Variants in MMS19 observed in about 807,000 individuals in gnomAD.
The protein encoded by MMS19 is MMS19 cytosolic iron-sulfur assembly component.
A neutral mutation model predicts 129.8 loss-of-function variants in MMS19; 77 were observed. The ratio of observed to expected loss-of-function variants is 0.59; its 90% CI spans 0.49 to 0.72. The LOEUF is 0.72. MMS19 is among the 30% of genes least tolerant of loss of function. The pLI, the probability that MMS19 is intolerant of heterozygous loss-of-function variation, is 0.00. For missense variants in MMS19, 1,168 were observed against 1,266.3 expected, an observed-to-expected ratio of 0.92 and a Z score of 1.18; for synonymous variants, 491 against 502.8, an observed-to-expected ratio of 0.98 and a Z score of 0.31.
intron 8 of MMS19, among the ~76,000 whole-genome samples, chr10:97,476,010 T>C (rs2035691145): frequency 1.3e-5 from 2 of 152,232 alleles, no homozygotes; most frequent in Admixed American, 6.5e-5. Context: ...AGAGTCAATA[T>C]GCTGTTTGGC....
intron 1 of MMS19, among the ~76,000 whole-genome samples, chr10:97,494,716 A>T (rs916852907): frequency 6.6e-6 from 1 of 152,222 alleles, no homozygotes; most frequent in African/African-American, 2.4e-5. Flanking sequence ...ATTCTCTGAA[A>T]ATCAGCTCTC....
intron 9 of MMS19, 103 bp from the exon 10 acceptor site, chr10:97,470,306 T>C (rs1168256029): frequency 3.8e-6 from 3 of 796,958 alleles, no homozygotes; most frequent in Non-Finnish European, 6.5e-6. Flanking sequence ...AGGTACTACA[T>C]CAAGGAGCTG....
intron 26 of MMS19, 30 bp downstream of exon 26, chr10:97,460,016 T>A (rs185816937): frequency 1.2e-6 from 2 of 1,607,448 alleles, no homozygotes; most frequent in Admixed American, 1.7e-5. Context: ...GAGATGTGTA[T>A]ATGTGGGGAC....
chr10:97,478,494 T>C (rs1193487549), intron 3 of MMS19, 105 bp from the exon 4 acceptor site: 3 of 807,018 alleles, frequency 3.7e-6, no homozygotes, highest in South Asian at 1.7e-5. Flanking sequence ...TGGGTTCCAC[T>C]ACAAATTTTC....
intron 5 of MMS19, 82 bp downstream of exon 5, chr10:97,477,773 G>A: frequency 1.1e-6 from 1 of 933,738 alleles, no homozygotes; most frequent in Non-Finnish European, 1.6e-6. Context: ...GAACTTAGAA[G>A]GCAATAATTT....
chr10:97,485,822 TAAC>T (rs2037744232), intron 1 of MMS19, among the ~76,000 whole-genome samples: 1 of 152,232 alleles, frequency 6.6e-6, no homozygotes, highest in South Asian at 2.1e-4. Flanking sequence ...AGACAAGAGA[TAAC>T]AAGTGCTGGT....
intron 19 of MMS19, 66 bp downstream of exon 19, chr10:97,463,792 T>G: frequency 3.7e-6 from 5 of 1,346,492 alleles, no homozygotes; most frequent in Non-Finnish European, 5.2e-6. Context: ...ACCCAGAGGG[T>G]GGTGCTGTTC....
At chr10:97,485,304 T>G (rs1395048159) in intron 1 of MMS19, among the ~76,000 whole-genome samples, 2 of 151,682 alleles carry the variant, frequency 1.3e-5, no homozygotes, top group Non-Finnish European at 2.9e-5. Flanking sequence ...AATTTTTGTA[T>G]TTTCTTTTCT....
At chr10:97,478,715 C>G (rs905461132) in intron 3 of MMS19, among the ~76,000 whole-genome samples, 9 of 152,140 alleles carry the variant, frequency 5.9e-5, no homozygotes, top group African/African-American at 2.2e-4. Flanking sequence ...AGGGTATGGT[C>G]TCTATCCCAA....
At chr10:97,469,127 C>G in intron 11 of MMS19, 23 bp from the exon 12 acceptor site, 1 of 1,558,504 alleles carries the variant, frequency 6.4e-7, no homozygotes. Flanking sequence ...GATCCCATGG[C>G]TACTGAGGTG....
chr10:97,463,404 C>A (rs2032600769), intron 19 of MMS19, among the ~76,000 whole-genome samples: 1 of 152,206 alleles, frequency 6.6e-6, no homozygotes, highest in African/African-American at 2.4e-5. Flanking sequence ...AGTGATCCTC[C>A]CATCTTGGCC....
Position 97,460,995 on chromosome 10 carries a change from T to C in MMS19, c.2324A>G (p.Asp775Gly). 1 of 1,560,844 alleles carries C rather than the reference T, an allele frequency of 6.4e-7. No individual in the cohort carries two copies. Among genetic ancestry groups the C allele is most frequent in the Non-Finnish European group, 8.7e-7 (1 of 1,151,350 alleles). ...GTCCACAGCTAGCTGTAGGAATTCA[T>C]CCAGCTGCTGCCCTAAAAAGGAGAG... Reference protein sequence around the residue: ...LNKHPAGQQLDEFLQLAVDKV... With the variant: ...LNKHPAGQQLGEFLQLAVDKV... Residue 775 changes from aspartate (D) to glycine (G), a missense_variant, in exon 24 of 31, where the codon GAT (aspartate) becomes GGT (glycine). By Grantham distance (94) the Asp-to-Gly change is moderately conservative (BLOSUM62 -1). Coordinates refer to ENST00000438925, the MANE Select transcript of MMS19 (RefSeq NM_022362.5).
At chr10:97,474,856 T>C (rs1378267097) in intron 8 of MMS19, among the ~76,000 whole-genome samples, 5 of 152,160 alleles carry the variant, frequency 3.3e-5, no homozygotes, top group Non-Finnish European at 7.3e-5. Flanking sequence ...TAAAGGGGTA[T>C]GAAAGAAGTT....
intron 18 of MMS19, among the ~76,000 whole-genome samples, 177 bp downstream of exon 18, chr10:97,465,628 C>A (rs2033296299): frequency 6.6e-6 from 1 of 152,264 alleles, no homozygotes; most frequent in Non-Finnish European, 1.5e-5. Context: ...GTACTGTTGC[C>A]TAAGTCCCAT....
At chr10:97,473,694 G>A (rs1385343891) in intron 8 of MMS19, among the ~76,000 whole-genome samples, 1 of 152,084 alleles carries the variant, frequency 6.6e-6, no homozygotes, top group Non-Finnish European at 1.5e-5. Flanking sequence ...CTTGTGACAA[G>A]TGAAAATTAT....
intron 1 of MMS19, among the ~76,000 whole-genome samples, chr10:97,487,567 C>T (rs994089731): frequency 1.3e-5 from 2 of 152,184 alleles, no homozygotes; most frequent in African/African-American, 4.8e-5. Flanking sequence ...GATCTGCTGG[C>T]CTTGGCCTCC....
At chr10:97,493,442 G>A (rs1246123494) in intron 1 of MMS19, among the ~76,000 whole-genome samples, 2 of 152,168 alleles carry the variant, frequency 1.3e-5, no homozygotes, top group African/African-American at 2.4e-5. Context: ...GTGGTGGCAC[G>A]GGCCTGTAGT....
In MMS19 at chr10:97,469,743, T is replaced by C. The variant is rs1398063307; in HGVS notation, c.847-20A>G. The C allele has an allele frequency of 2.8e-5, 45 of 1,610,714 alleles. No individual in the cohort carries two copies. The highest frequency in any genetic ancestry group is 3.7e-5 in the Non-Finnish European group (43 of 1,177,396). ...AGCATTCTGCCAAGGAAACCGCTGC[T>C]ATCAGTTATGTACACACTCAGACAC... On this transcript the variant is annotated intron_variant, in intron 10 of 30. Coordinates refer to ENST00000438925, the MANE Select transcript of MMS19 (RefSeq NM_022362.5).
intron 1 of MMS19, among the ~76,000 whole-genome samples, chr10:97,484,388 T>A (rs560668092): frequency 6.6e-6 from 1 of 152,168 alleles, no homozygotes; most frequent in South Asian, 2.1e-4. Flanking sequence ...TGAGCGTATA[T>A]CCTGAAAATC....
Sources: gnomAD v4.1 joint callset for allele counts (sites outside exome capture counted in the v4.1 genomes callset) on GRCh38, gnomAD v4.1.1 for gene constraint, MANE v1.5 for transcripts, NCBI Gene and HGNC (gene_info 2026-07-23, HGNC 2026-07-21) for gene names.